Variants in ADAMTSL3 observed in about 807,000 individuals in gnomAD.
ADAMTSL3 encodes the protein ADAMTS-like protein 3.
Under a neutral mutation model 201.7 loss-of-function variants are expected in ADAMTSL3, and 128 were observed. The observed-to-expected ratio is 0.63, with a 90% CI of 0.55 to 0.73. The LOEUF is 0.73. Ranked by LOEUF, ADAMTSL3 falls within the 30% of genes least tolerant of loss-of-function variation. The pLI, the probability that ADAMTSL3 is intolerant of heterozygous loss-of-function variation, is 0.00. For synonymous variants in ADAMTSL3, 738 were observed against 748.4 expected, an observed-to-expected ratio of 0.99 and a Z score of 0.23; for missense variants, 1,990 against 2,119.6, an observed-to-expected ratio of 0.94 and a Z score of 1.20.
chr15:83,982,617 GGT>G lies in ADAMTSL3; in HGVS notation c.2990_2991del (p.Gly997AspfsTer2). The G allele has an allele frequency of 3.7e-6, 6 of 1,614,170 alleles. No homozygotes were observed. Among genetic ancestry groups the G allele is most frequent in the Non-Finnish European group, 5.1e-6 (6 of 1,180,040 alleles). ...GGAAACAGTTGTGCTCAAGCTCATT[GGT>G]ACTGACAACCGGCTCATCGCACGCC... ...AQETVVLKLI[G>X]TDNRLIARPA... On this transcript the variant is annotated frameshift_variant, in exon 21 of 30. Transcript: ENST00000286744. LOFTEE classifies it high-confidence loss of function.
At chr15:83,657,726 G>A (rs1214511770) in intron 2 of ADAMTSL3, among the ~76,000 whole-genome samples, 1 of 152,210 alleles carries the variant, frequency 6.6e-6, no homozygotes, top group Admixed American at 6.5e-5. Context: ...ATTTTCTGGT[G>A]TAGAGCCTGT....
chr15:83,706,086 T>C (rs1054475342), intron 3 of ADAMTSL3, among the ~76,000 whole-genome samples: 4 of 152,134 alleles, frequency 2.6e-5, no homozygotes, highest in Admixed American at 6.5e-5. Context: ...TGAGAGGGTC[T>C]ATAATTTATA....
At chr15:83,919,634 G>T (rs954183384) in intron 16 of ADAMTSL3, among the ~76,000 whole-genome samples, 1 of 152,152 alleles carries the variant, frequency 6.6e-6, no homozygotes, top group African/African-American at 2.4e-5. Flanking sequence ...GAAAACAGAG[G>T]AGGAGATGAC....
chr15:84,035,427 C>T (rs2141948011), intron 28 of ADAMTSL3, among the ~76,000 whole-genome samples: 1 of 152,322 alleles, frequency 6.6e-6, no homozygotes. Flanking sequence ...TACTCAGTCT[C>T]TTCTCTGTTG....
At chr15:83,721,479 G>A (rs74487888) in intron 3 of ADAMTSL3, among the ~76,000 whole-genome samples, 11,697 of 152,214 alleles carry the variant, frequency 0.077, 679 homozygotes, top group South Asian at 0.26. Flanking sequence ...AAGGATTTGG[G>A]TGAACAAAGT....
At chr15:83,844,704 TG>T (rs1228131528) in intron 7 of ADAMTSL3, among the ~76,000 whole-genome samples, 1 of 152,216 alleles carries the variant, frequency 6.6e-6, no homozygotes, top group Admixed American at 6.5e-5. Flanking sequence ...TAAAGACTCC[TG>T]GGTTCTAGTC....
intron 3 of ADAMTSL3, among the ~76,000 whole-genome samples, chr15:83,727,227 G>A (rs1014249667): frequency 1.3e-5 from 2 of 151,658 alleles, no homozygotes; most frequent in African/African-American, 4.8e-5. Flanking sequence ...GATTTCTTTG[G>A]TGTCTCTTAT....
At chr15:83,838,239 A>G in intron 7 of ADAMTSL3, 24 bp downstream of exon 7, 4 of 1,607,704 alleles carry the variant, frequency 2.5e-6, no homozygotes, top group Admixed American at 1.7e-5. Context: ...CCAATACGTT[A>G]TTACCATCAT....
intron 20 of ADAMTSL3, among the ~76,000 whole-genome samples, chr15:83,975,261 C>G (rs1448547434): frequency 1.3e-5 from 2 of 152,074 alleles, no homozygotes. Flanking sequence ...CTTGGCCTCC[C>G]AAAGTGCTGG....
At chr15:83,892,243 T>A (rs1032563784) in intron 12 of ADAMTSL3, among the ~76,000 whole-genome samples, 57 of 141,430 alleles carry the variant, frequency 4.0e-4, no homozygotes, top group Middle Eastern at 4.6e-3. Flanking sequence ...AATTAAAATT[T>A]AAAAAAGGCT....
chr15:83,811,459 G>A (rs1224679184), intron 5 of ADAMTSL3, among the ~76,000 whole-genome samples: 2 of 152,190 alleles, frequency 1.3e-5, no homozygotes, highest in Non-Finnish European at 2.9e-5. Context: ...ATTCCAAAAA[G>A]GAACCTATTA....
At chr15:83,698,611 C>G (rs1249365622) in intron 2 of ADAMTSL3, among the ~76,000 whole-genome samples, 1 of 141,018 alleles carries the variant, frequency 7.1e-6, no homozygotes, top group African/African-American at 2.7e-5. Flanking sequence ...TCACCCCATC[C>G]TGTGAGGGCC....
intron 22 of ADAMTSL3, among the ~76,000 whole-genome samples, chr15:83,990,843 G>T (rs1180698117): frequency 1.3e-5 from 2 of 151,700 alleles, no homozygotes; most frequent in African/African-American, 4.9e-5. Flanking sequence ...TATACATACT[G>T]TTGTTGCAAT....
Position 83,982,865 on chromosome 15 carries a change from G to C in ADAMTSL3, c.3237G>C (p.Gln1079His), listed in dbSNP as rs1404373536. 1 of 1,613,996 alleles carries C rather than the reference G, an allele frequency of 6.2e-7. No individual in the cohort carries two copies. Among genetic ancestry groups the C allele is most frequent in the East Asian group, 2.2e-5 (1 of 44,894 alleles). ...ACTCCTGGGAGTTGAAGAATAAGCAGTTTGAAGCAGCAGTTAAACAAGGAG... is the reference window on the plus strand; with the variant it reads ...ACTCCTGGGAGTTGAAGAATAAGCACTTTGAAGCAGCAGTTAAACAAGGAG... Reference protein sequence around the residue: ...STNSWELKNKQFEAAVKQGAY... With the variant: ...STNSWELKNKHFEAAVKQGAY... The change falls in exon 21 of 30, where the codon CAG becomes CAC. Residue 1079 changes from glutamine (Q) to histidine (H), a missense_variant. Gln to His is a conservative substitution (Grantham distance 24). Coordinates refer to ENST00000286744, the MANE Select transcript of ADAMTSL3 (RefSeq NM_207517.3).
At chr15:83,699,325 A>C (rs967786814) in intron 2 of ADAMTSL3, among the ~76,000 whole-genome samples, 1 of 152,142 alleles carries the variant, frequency 6.6e-6, no homozygotes, top group East Asian at 1.9e-4. Context: ...CCTCAGGGCT[A>C]TCCATCCATT....
At chr15:83,965,055 C>T (rs1221611915) in intron 19 of ADAMTSL3, among the ~76,000 whole-genome samples, 1 of 152,128 alleles carries the variant, frequency 6.6e-6, no homozygotes. Context: ...CCGGTACCAG[C>T]CACTGCAAAA....
intron 4 of ADAMTSL3, among the ~76,000 whole-genome samples, chr15:83,776,495 A>T (rs1412763256): frequency 6.6e-6 from 1 of 152,200 alleles, no homozygotes; most frequent in East Asian, 1.9e-4. Context: ...AGGCGGGTGG[A>T]TCACCTGAGA....
At chr15:83,664,326 C>T (rs975922976) in intron 2 of ADAMTSL3, among the ~76,000 whole-genome samples, 2 of 151,668 alleles carry the variant, frequency 1.3e-5, no homozygotes, top group Non-Finnish European at 2.9e-5. Flanking sequence ...CTCAGCACCT[C>T]AGAGGGGCTT....
chr15:83,985,848 T>G (rs938289410), intron 21 of ADAMTSL3, among the ~76,000 whole-genome samples: 1 of 152,150 alleles, frequency 6.6e-6, no homozygotes, highest in Admixed American at 6.5e-5. Flanking sequence ...CAGGTTGGTC[T>G]TGAACTCCTG....
Sources: gnomAD v4.1 joint callset for allele counts (sites outside exome capture counted in the v4.1 genomes callset) on GRCh38, gnomAD v4.1.1 for gene constraint, MANE v1.5 for transcripts, NCBI Gene and HGNC (gene_info 2026-07-23, HGNC 2026-07-21) for gene names.